MAEA: variants seen among roughly 807,000 people sequenced by gnomAD.
The protein encoded by MAEA is E3 ubiquitin-protein transferase MAEA.
In MAEA, 22 loss-of-function variants were observed where a neutral mutation model predicts 46.2. That is an observed-to-expected ratio of 0.48 (90% CI 0.34 to 0.68). MAEA has a LOEUF of 0.68. Ranked by LOEUF, MAEA falls within the 30% of genes least tolerant of loss-of-function variation. The pLI, the probability that MAEA is intolerant of heterozygous loss-of-function variation, is 0.01. For synonymous variants in MAEA, 246 were observed against 222.6 expected, an observed-to-expected ratio of 1.11 and a Z score of -0.94; for missense variants, 393 against 558.1, an observed-to-expected ratio of 0.70 and a Z score of 2.98.
chr4:1,334,854 C>G (rs1257580134), intron 6 of MAEA: 5 of 985,426 alleles, frequency 5.1e-6, no homozygotes, highest in East Asian at 1.1e-4. Flanking sequence ...TGAGGACCTT[C>G]TGGACTGTGG....
chr4:1,317,366 A>C (rs887360534), intron 3 of MAEA, among the ~76,000 whole-genome samples: 11 of 127,372 alleles, frequency 8.6e-5, no homozygotes, highest in Admixed American at 7.8e-4. Context: ...CACACTCCGG[A>C]CTCATCTGCA....
chr4:1,290,917 C>T (rs1451782723), intron 1 of MAEA, among the ~76,000 whole-genome samples: 1 of 152,190 alleles, frequency 6.6e-6, no homozygotes, highest in African/African-American at 2.4e-5. Context: ...TCTCTGTATT[C>T]GTCCTTACTG....
intron 1 of MAEA, among the ~76,000 whole-genome samples, chr4:1,291,160 G>A (rs997512343): frequency 2.6e-5 from 4 of 152,160 alleles, no homozygotes; most frequent in African/African-American, 9.7e-5. Context: ...TTAACTAGCG[G>A]TTTATTTCAT....
In MAEA at chr4:1,312,038, G is replaced by A; in HGVS notation, c.129G>A (p.Glu43=). 1 of 1,614,042 alleles carries A rather than the reference G, an allele frequency of 6.2e-7. No homozygotes were observed. The highest frequency in any genetic ancestry group is 1.1e-5 in the South Asian group (1 of 91,084). ...FRAAQKNIDR[E]TSHVTMVVAE... ...CCGCTCAGAAGAACATTGACCGGGA[G>A]ACCAGCCACGTCACCATGGTGGTGG... is the stretch of plus-strand genomic sequence containing the variant. The change falls in exon 2 of 9, where the codon GAG becomes GAA. Residue 43 remains glutamate (E), a synonymous_variant. Transcript: ENST00000303400.
In MAEA at chr4:1,339,468, TAAG is replaced by T; in HGVS notation, c.*302_*304del. On this transcript the variant is annotated 3_prime_UTR_variant, in exon 9 of 9. Coordinates refer to ENST00000303400, the MANE Select transcript of MAEA (RefSeq NM_001017405.3). ...ACTGACCTAAACACCGAGGGAAACT[TAAG>T]AACGTTTAAAATATAGGAGTCCGTG... 2.5e-6 allele frequency: 1 copy of T among 401,470 alleles called. No individual in the cohort carries two copies. The highest frequency in any genetic ancestry group is 3.1e-5 in the South Asian group (1 of 32,142). The allele number at this position is 401,470 out of a possible 1,614,324, so 24.9% of individuals were successfully genotyped here.
intron 2 of MAEA, chr4:1,312,414 G>T: frequency 2.2e-6 from 1 of 448,350 alleles, no homozygotes; most frequent in Admixed American, 4.3e-5. Flanking sequence ...ATGTATAGCA[G>T]GTTGATTGAT....
intron 4 of MAEA, among the ~76,000 whole-genome samples, chr4:1,323,874 A>G (rs1325239514): frequency 6.6e-6 from 1 of 152,240 alleles, no homozygotes; most frequent in African/African-American, 2.4e-5. Context: ...GGGGCCCTGA[A>G]TGCATGCCTG....
intron 1 of MAEA, chr4:1,298,133 C>T: frequency 2.2e-6 from 1 of 453,070 alleles, no homozygotes; most frequent in Non-Finnish European, 4.5e-6. Flanking sequence ...TCCATATGCC[C>T]CTCCTTCTCC....
At chr4:1,326,257 G>A (rs1439908440) in intron 4 of MAEA, among the ~76,000 whole-genome samples, 1 of 152,228 alleles carries the variant, frequency 6.6e-6, no homozygotes, top group Admixed American at 6.5e-5. Context: ...TCTGCCACGT[G>A]GAGTTTCTGT....
intron 1 of MAEA, among the ~76,000 whole-genome samples, chr4:1,294,315 C>A (rs1734411016): frequency 6.6e-6 from 1 of 152,224 alleles, no homozygotes; most frequent in African/African-American, 2.4e-5. Context: ...CAGGCCTGGG[C>A]CTTTCCAGCT....
At chr4:1,321,866 T>TG (rs1386314823) in intron 3 of MAEA, among the ~76,000 whole-genome samples, 1 of 140,950 alleles carries the variant, frequency 7.1e-6, no homozygotes, top group Non-Finnish European at 1.5e-5. Flanking sequence ...ACTCTGTTTT[T>TG]TTTGTTGTTT....
intron 1 of MAEA, among the ~76,000 whole-genome samples, chr4:1,310,452 A>G (rs2108902326): frequency 6.6e-6 from 1 of 152,328 alleles, no homozygotes; most frequent in South Asian, 2.1e-4. Context: ...GGCACCAGCA[A>G]GCTTGGTTCC....
In MAEA at chr4:1,339,240, C is replaced by G. The variant is rs1713214130; in HGVS notation, c.*71C>G. 1.8e-6 allele frequency: 2 copies of G among 1,122,076 alleles called. No homozygotes were observed. The highest frequency in any genetic ancestry group is 2.7e-6 in the Non-Finnish European group (2 of 734,866). 69.5% of individuals were successfully genotyped at this position (1,122,076 alleles called of 1,614,324 possible). ...CGGGGAGGCCACGCCTTCCTCCTGT[C>G]CCACGCTCCAGCCTGCCGCGGCGTT... On this transcript the variant is annotated 3_prime_UTR_variant, in exon 9 of 9. Coordinates refer to ENST00000303400, the MANE Select transcript of MAEA (RefSeq NM_001017405.3).
At chr4:1,319,484 C>T (rs565637704) in intron 3 of MAEA, among the ~76,000 whole-genome samples, 150 of 152,268 alleles carry the variant, frequency 9.9e-4, no homozygotes, top group African/African-American at 3.4e-3. Flanking sequence ...CTCTCACAAC[C>T]GGAGACCCGG....
chr4:1,339,370 A>C lies in MAEA; in HGVS notation c.*201A>C. ...ACTTGAAAACATTTGGATTGGTAGGATTTTGTAACACGTCAACCATTTGAT... is the reference window on the plus strand; with the variant it reads ...ACTTGAAAACATTTGGATTGGTAGGCTTTTGTAACACGTCAACCATTTGAT... On this transcript the variant is annotated 3_prime_UTR_variant, in exon 9 of 9. Transcript: ENST00000303400. The C allele has an allele frequency of 6.9e-6, 4 of 575,720 alleles. No homozygotes were observed. The South Asian group carries it at 8.7e-5, about 13-fold the overall frequency. 35.7% of individuals were successfully genotyped at this position (575,720 alleles called of 1,614,324 possible). A position where few individuals can be genotyped will look rare whatever the true frequency, so the allele number is the denominator to read the frequency against.
At position 1,315,255 on chromosome 4, in the gene MAEA, C is replaced by T. The variant is rs554040470; in HGVS notation, c.253-142C>T. On this transcript the variant is annotated intron_variant, in intron 2 of 8. Coordinates refer to ENST00000303400, the MANE Select transcript of MAEA (RefSeq NM_001017405.3). ...GCCAGGCACACCTGCCTAGCGGACT[C>T]GGTAGAGCACGGTTTTTTTTCTGTC... 7.8e-5 allele frequency: 58 copies of T among 741,326 alleles called. No individual in the cohort carries two copies. The South Asian group carries it at 8.9e-4, about 11-fold the overall frequency. The allele number at this position is 741,326 out of a possible 1,614,324, so 45.9% of individuals were successfully genotyped here.
chr4:1,337,134 G>A (rs1299108967), intron 7 of MAEA, 140 bp downstream of exon 7: 6 of 1,072,212 alleles, frequency 5.6e-6, no homozygotes, highest in Non-Finnish European at 6.8e-6. Flanking sequence ...GCACTTGCGT[G>A]GTGTCTGGAT....
At chr4:1,329,022 G>T (rs1739200233) in intron 5 of MAEA, 22 of 985,932 alleles carry the variant, frequency 2.2e-5, no homozygotes, top group Non-Finnish European at 2.6e-5. Context: ...TGCCTGTGTC[G>T]CTGGCCTCTG....
chr4:1,329,759 G>C (rs1054530124), intron 5 of MAEA: 2 of 985,538 alleles, frequency 2.0e-6, no homozygotes, highest in Non-Finnish European at 1.2e-6. Flanking sequence ...CGGGTGTTTG[G>C]CTGGGAGCCC....
Sources: gnomAD v4.1 joint callset for allele counts (sites outside exome capture counted in the v4.1 genomes callset) on GRCh38, gnomAD v4.1.1 for gene constraint, MANE v1.5 for transcripts, NCBI Gene and HGNC (gene_info 2026-07-23, HGNC 2026-07-21) for gene names.